Variants in SUGCT observed in about 807,000 individuals in gnomAD.
The protein encoded by SUGCT is succinyl-CoA:glutarate CoA-transferase.
SUGCT carries 41 observed loss-of-function variants against 55.0 expected under a neutral mutation model. The ratio of observed to expected loss-of-function variants is 0.74; its 90% CI spans 0.58 to 0.97. The LOEUF is 0.97. Ranked by LOEUF, SUGCT falls within the 50% of genes least tolerant of loss-of-function variation. The pLI, the probability that SUGCT is intolerant of heterozygous loss-of-function variation, is 0.00. For synonymous variants in SUGCT, 187 were observed against 200.4 expected (o/e 0.93, Z 0.56); for missense variants, 568 against 547.8 (o/e 1.04, Z -0.37).
chr7:40,683,660 T>C (rs914343961), intron 12 of SUGCT, among the ~76,000 whole-genome samples: 2 of 152,344 alleles, frequency 1.3e-5, no homozygotes, highest in Admixed American at 6.5e-5. Flanking sequence ...GTCAATTATG[T>C]TGAGAAGATG....
the SUGCT span, among the ~76,000 whole-genome samples, chr7:40,916,477 G>C: frequency 6.6e-6 from 1 of 152,286 alleles, no homozygotes; most frequent in Non-Finnish European, 1.5e-5. Context: ...CTGACATCTT[G>C]TGAGGATGAA....
intron 13 of SUGCT, among the ~76,000 whole-genome samples, chr7:40,815,730 G>T (rs78487475): frequency 0.087 from 13,270 of 151,984 alleles, 666 homozygotes; most frequent in Middle Eastern, 0.17. Context: ...TTGCCTGCAT[G>T]TGAAGCAGAG....
chr7:40,757,070 A>AT (rs888909879), intron 13 of SUGCT, among the ~76,000 whole-genome samples: 3 of 152,134 alleles, frequency 2.0e-5, no homozygotes, highest in African/African-American at 4.8e-5. Context: ...CAATCAGTGT[A>AT]TTCTCAGGTG....
chr7:40,713,903 C>T (rs549112282), intron 12 of SUGCT, among the ~76,000 whole-genome samples: 2 of 152,358 alleles, frequency 1.3e-5, no homozygotes, highest in East Asian at 3.9e-4. Flanking sequence ...ATTTTAACCA[C>T]ATTAGGGGAC....
intron 12 of SUGCT, among the ~76,000 whole-genome samples, chr7:40,613,000 G>A (rs2151774918): frequency 6.6e-6 from 1 of 152,234 alleles, no homozygotes; most frequent in African/African-American, 2.4e-5. Flanking sequence ...GGGCATGATG[G>A]GGGATGCCCA....
the SUGCT span, among the ~76,000 whole-genome samples, chr7:40,952,390 A>T: frequency 6.6e-6 from 1 of 152,018 alleles, no homozygotes; most frequent in Non-Finnish European, 1.5e-5. Flanking sequence ...ACACTGATAG[A>T]TCTTGACACT....
intron 12 of SUGCT, among the ~76,000 whole-genome samples, chr7:40,519,222 C>G (rs1793402524): frequency 6.6e-6 from 1 of 152,112 alleles, no homozygotes; most frequent in Admixed American, 6.6e-5. Context: ...GACTGAGTAA[C>G]TGTCCTAGAA....
At chr7:40,519,563 G>C (rs1311534078) in intron 12 of SUGCT, among the ~76,000 whole-genome samples, 1 of 151,932 alleles carries the variant, frequency 6.6e-6, no homozygotes, top group Non-Finnish European at 1.5e-5. Context: ...AGTAGACACA[G>C]AAAATTCTTG....
the SUGCT span, among the ~76,000 whole-genome samples, chr7:40,951,094 T>A: frequency 1.3e-5 from 2 of 152,096 alleles, no homozygotes; most frequent in South Asian, 4.1e-4. Flanking sequence ...GGTCCTGGAC[T>A]TTTTTTGGGT....
At chr7:40,380,354 A>G (rs927831252) in intron 9 of SUGCT, among the ~76,000 whole-genome samples, 3 of 152,076 alleles carry the variant, frequency 2.0e-5, no homozygotes, top group Admixed American at 1.3e-4. Context: ...CCATTACTCA[A>G]TTTCCATAGT....
intron 12 of SUGCT, among the ~76,000 whole-genome samples, chr7:40,520,573 G>C (rs183784487): frequency 6.6e-6 from 1 of 152,206 alleles, no homozygotes; most frequent in Non-Finnish European, 1.5e-5. Flanking sequence ...CTACAACACA[G>C]GTTGTAGCAC....
chr7:40,953,468 T>A, the SUGCT span, among the ~76,000 whole-genome samples: 12,683 of 152,304 alleles, frequency 0.083, 579 homozygotes, highest in African/African-American at 0.11. Context: ...AGTCATTCTC[T>A]GTCCAGCTTT....
intron 9 of SUGCT, among the ~76,000 whole-genome samples, chr7:40,381,504 G>C (rs967932166): frequency 2.6e-5 from 4 of 151,496 alleles, no homozygotes; most frequent in African/African-American, 9.7e-5. Flanking sequence ...TTCTGTTTTC[G>C]TAACAACAAC....
At chr7:40,268,194 A>G (rs1244527699) in intron 7 of SUGCT, among the ~76,000 whole-genome samples, 1 of 152,208 alleles carries the variant, frequency 6.6e-6, no homozygotes, top group African/African-American at 2.4e-5. Context: ...ACCTTACAAC[A>G]GTCAATTTTA....
intron 12 of SUGCT, among the ~76,000 whole-genome samples, chr7:40,630,544 A>G (rs1250195015): frequency 6.6e-6 from 1 of 152,224 alleles, no homozygotes; most frequent in African/African-American, 2.4e-5. Context: ...GCATAATGGA[A>G]TATTGGAACT....
chr7:40,375,832 C>T (rs534019531), intron 9 of SUGCT, among the ~76,000 whole-genome samples: 2 of 152,096 alleles, frequency 1.3e-5, no homozygotes, highest in Non-Finnish European at 2.9e-5. Context: ...TTTCATAGGG[C>T]AGGGAGTTTG....
At chr7:40,624,069 T>C (rs1390077314) in intron 12 of SUGCT, among the ~76,000 whole-genome samples, 1 of 152,224 alleles carries the variant, frequency 6.6e-6, no homozygotes, top group East Asian at 1.9e-4. Context: ...ATTTCTGTTG[T>C]GTGTCATATG....
intron 7 of SUGCT, among the ~76,000 whole-genome samples, chr7:40,260,496 C>T (rs1042649765): frequency 4.6e-5 from 7 of 152,112 alleles, no homozygotes; most frequent in South Asian, 4.1e-4. Flanking sequence ...TTAAGCTACA[C>T]GCTTAAAAGG....
intron 12 of SUGCT, among the ~76,000 whole-genome samples, chr7:40,684,894 G>A (rs1352724734): frequency 6.6e-6 from 1 of 152,144 alleles, no homozygotes. Context: ...GCAGTGGTGT[G>A]ATCTTGGCTC....
Sources: gnomAD v4.1 joint callset for allele counts (sites outside exome capture counted in the v4.1 genomes callset) on GRCh38, gnomAD v4.1.1 for gene constraint, MANE v1.5 for transcripts, NCBI Gene and HGNC (gene_info 2026-07-23, HGNC 2026-07-21) for gene names.